Variants in CHIC1 observed in about 807,000 individuals in gnomAD.
CHIC1 encodes cysteine-rich hydrophobic domain-containing protein 1.
In CHIC1, 7 loss-of-function variants were observed where a neutral mutation model predicts 18.5. The ratio of observed to expected loss-of-function variants is 0.38; its 90% CI spans 0.22 to 0.71. The LOEUF (loss-of-function observed/expected upper bound fraction) is 0.71, where lower values mean the gene tolerates loss of function less well. Ranked by LOEUF, CHIC1 falls within the 30% of genes least tolerant of loss-of-function variation. The pLI, the probability that CHIC1 is intolerant of heterozygous loss-of-function variation, is 0.49. For synonymous variants in CHIC1, 77 were observed against 73.5 expected (o/e 1.05, Z -0.25); for missense variants, 159 against 176.9 (o/e 0.90, Z 0.57).
intron 3 of CHIC1, among the ~76,000 whole-genome samples, chrX:73,593,141 C>T (rs1246954358): frequency 9.0e-6 from 1 of 110,693 alleles, no homozygotes; most frequent in African/African-American, 3.3e-5. Context: ...CTTGTTTATC[C>T]CTTCAAAAAA....
intron 3 of CHIC1, among the ~76,000 whole-genome samples, chrX:73,630,446 A>G (rs1264401029): frequency 9.0e-6 from 1 of 111,371 alleles, no homozygotes; most frequent in Non-Finnish European, 1.9e-5. Context: ...AATTTTTATT[A>G]TGAAATGATG....
Position 73,608,192 on chromosome X carries a change from T to A in CHIC1, c.507+23620T>A, listed in dbSNP as rs1337049073. ...CTCCTTCAAATGTTTGATACTCTTG[T>A]TGAATATAGTTGACCACGTATTTGA... On this transcript the variant is annotated intron_variant, in intron 3 of 5. Transcript: ENST00000373502. Among the ~76,000 whole-genome samples, 4 of 109,361 alleles carry A rather than the reference T, an allele frequency of 3.7e-5. 1 individual carries two copies. The highest frequency in any genetic ancestry group is 1.4e-4 in the African/African-American group (4 of 28,184). The allele number at this position is 109,361 out of a possible 115,157, so 95.0% of individuals were successfully genotyped here.
In CHIC1 at chrX:73,678,760, A is replaced by G. The variant is rs1484493828; in HGVS notation, c.508-566A>G. Among the ~76,000 whole-genome samples the G allele has an allele frequency of 3.6e-5, 4 of 112,159 alleles. No homozygotes were observed. The Admixed American group carries it at 3.8e-4, about 11-fold the overall frequency. On this transcript the variant is annotated intron_variant, in intron 3 of 5. Coordinates refer to ENST00000373502, the MANE Select transcript of CHIC1 (RefSeq NM_001039840.4). ...CTCTGATTTATATTTTTCTAAGTAT[A>G]AGTTTTTCCACTGGCTGTTTTTAAC...
At chrX:73,680,367 A>G (rs1331567131) in intron 5 of CHIC1, among the ~76,000 whole-genome samples, 2 of 111,277 alleles carry the variant, frequency 1.8e-5, no homozygotes, top group African/African-American at 3.2e-5. Context: ...ATTTTGGGGA[A>G]AATATGCATA....
intron 3 of CHIC1, among the ~76,000 whole-genome samples, chrX:73,638,041 C>T (rs764950440): frequency 9.0e-6 from 1 of 111,533 alleles, no homozygotes; most frequent in African/African-American, 3.3e-5. Context: ...TTGATCTTAG[C>T]GTAGGAATGA....
At chrX:73,634,935 T>C (rs981366750) in intron 3 of CHIC1, among the ~76,000 whole-genome samples, 2 of 111,252 alleles carry the variant, frequency 1.8e-5, no homozygotes, top group South Asian at 3.9e-4. Context: ...TTACCCTCTT[T>C]AATGCATCCA....
rs1404441727 is a variant in CHIC1 at position 73,602,096 on chromosome X, G to A, written c.507+17524G>A. Among the ~76,000 whole-genome samples the A allele has an allele frequency of 6.6e-5, 7 of 106,203 alleles. 2 individuals carry two copies. Among genetic ancestry groups the A allele is most frequent in the African/African-American group, 2.6e-4 (7 of 27,007 alleles). The allele number at this position is 106,203 out of a possible 115,157, so 92.2% of individuals were successfully genotyped here. On this transcript the variant is annotated intron_variant, in intron 3 of 5. Transcript: ENST00000373502. ...ATTAACAGCTTACCAACTGAAAAAA[G>A]CCCAGGGCCAGATGGATTCACAGCT...
chrX:73,654,540 C>T (rs1039918823), intron 3 of CHIC1, among the ~76,000 whole-genome samples: 1 of 111,843 alleles, frequency 8.9e-6, no homozygotes, highest in African/African-American at 3.2e-5. Context: ...TAATGCGGGC[C>T]TTGTAGAATG....
At chrX:73,573,471 G>A (rs776921792) in intron 1 of CHIC1, among the ~76,000 whole-genome samples, 3 of 111,218 alleles carry the variant, frequency 2.7e-5, no homozygotes, top group Admixed American at 9.5e-5. Context: ...TTCTAATTCC[G>A]TGAAGAATGA....
intron 3 of CHIC1, among the ~76,000 whole-genome samples, chrX:73,589,169 C>T (rs2057568539): frequency 9.1e-6 from 1 of 110,263 alleles, no homozygotes; most frequent in African/African-American, 3.3e-5. Context: ...GCATTTACCG[C>T]CCTCAGTTTT....
chrX:73,612,941 T>C (rs904490986), intron 3 of CHIC1, among the ~76,000 whole-genome samples: 27 of 111,601 alleles, frequency 2.4e-4, no homozygotes, highest in African/African-American at 4.2e-4. Flanking sequence ...TGTATTGGAG[T>C]TTATTTCTTC....
chrX:73,564,240 G>A (rs952059258), intron 1 of CHIC1, among the ~76,000 whole-genome samples: 15 of 111,250 alleles, frequency 1.3e-4, no homozygotes, highest in African/African-American at 4.6e-4. Flanking sequence ...TCATTTCTGC[G>A]CCTTGATTTC....
At chrX:73,586,156 G>A (rs12013074) in intron 3 of CHIC1, among the ~76,000 whole-genome samples, 3,753 of 110,855 alleles carry the variant, frequency 0.034, 158 homozygotes, top group African/African-American at 0.12. Context: ...TGGCAATACC[G>A]GGCCCACATG....
At chrX:73,674,946 C>A (rs777321950) in intron 3 of CHIC1, among the ~76,000 whole-genome samples, 9 of 111,245 alleles carry the variant, frequency 8.1e-5, no homozygotes, top group Non-Finnish European at 1.7e-4. Flanking sequence ...CTTTGTTCTC[C>A]TTGGTTTCAA....
At chrX:73,636,797 A>T (rs1371494139) in intron 3 of CHIC1, among the ~76,000 whole-genome samples, 3 of 111,197 alleles carry the variant, frequency 2.7e-5, no homozygotes, top group Middle Eastern at 4.7e-3. Context: ...ATCTCTATTT[A>T]TATATATATC....
intron 1 of CHIC1, among the ~76,000 whole-genome samples, chrX:73,576,489 C>G (rs1297071318): frequency 9.1e-6 from 1 of 110,338 alleles, no homozygotes; most frequent in Non-Finnish European, 1.9e-5. Context: ...GGACCACCAT[C>G]ATATATGCAC....
chrX:73,670,139 C>T (rs1423362859), intron 3 of CHIC1, among the ~76,000 whole-genome samples: 1 of 111,483 alleles, frequency 9.0e-6, no homozygotes, highest in Non-Finnish European at 1.9e-5. Flanking sequence ...CAGTCACTCA[C>T]TGTTTCCTTT....
chrX:73,641,673 C>G (rs1360450696), intron 3 of CHIC1, among the ~76,000 whole-genome samples: 2 of 108,849 alleles, frequency 1.8e-5, no homozygotes, highest in Non-Finnish European at 3.8e-5. Flanking sequence ...CCCCCCTCCC[C>G]CCACACCACA....
At chrX:73,611,973 C>T (rs2057711048) in intron 3 of CHIC1, among the ~76,000 whole-genome samples, 2 of 108,530 alleles carry the variant, frequency 1.8e-5, no homozygotes, top group African/African-American at 6.9e-5. Flanking sequence ...TGTAGGTTGC[C>T]TGTTCACTCT....
Sources: gnomAD v4.1 joint callset for allele counts (sites outside exome capture counted in the v4.1 genomes callset) on GRCh38, gnomAD v4.1.1 for gene constraint, MANE v1.5 for transcripts, NCBI Gene and HGNC (gene_info 2026-07-23, HGNC 2026-07-21) for gene names.